Variants in GMDS observed in about 807,000 individuals in gnomAD.
GMDS encodes the protein GDP-mannose 4,6 dehydratase.
In GMDS, 20 loss-of-function variants were observed where a neutral mutation model predicts 49.9. That is an observed-to-expected ratio of 0.40 (90% confidence interval 0.28 to 0.58). The LOEUF is 0.58. GMDS is among the 20% of genes least tolerant of loss of function. The pLI is 0.42. For synonymous variants in GMDS, 177 were observed against 178.6 expected, an observed-to-expected ratio of 0.99 and a Z score of 0.07; for missense variants, 362 against 481.4, an observed-to-expected ratio of 0.75 and a Z score of 2.32.
intron 4 of GMDS, among the ~76,000 whole-genome samples, chr6:2,022,477 GA>G (rs1768338695): frequency 6.6e-6 from 1 of 152,030 alleles, no homozygotes. Flanking sequence ...AAAATAACAC[GA>G]ATTCAATGAT....
intron 7 of GMDS, among the ~76,000 whole-genome samples, chr6:1,794,256 G>A (rs1269992368): frequency 6.6e-6 from 1 of 151,930 alleles, no homozygotes; most frequent in African/African-American, 2.4e-5. Context: ...ATTTACGTAT[G>A]TCTACTCTAA....
At chr6:2,154,734 G>A (rs1037384902) in intron 1 of GMDS, among the ~76,000 whole-genome samples, 8 of 151,388 alleles carry the variant, frequency 5.3e-5, no homozygotes, top group African/African-American at 1.7e-4. Flanking sequence ...TTATATGACC[G>A]ATCAGAGAAA....
chr6:2,122,000 T>G (rs1775162789), intron 2 of GMDS, among the ~76,000 whole-genome samples: 2 of 152,236 alleles, frequency 1.3e-5, no homozygotes, highest in African/African-American at 4.8e-5. Flanking sequence ...CAAGCTCTTC[T>G]TCACAGTGTT....
At chr6:1,750,129 A>G (rs778446467) in intron 7 of GMDS, among the ~76,000 whole-genome samples, 1 of 152,186 alleles carries the variant, frequency 6.6e-6, no homozygotes, top group African/African-American at 2.4e-5. Flanking sequence ...CCAGCCTCAA[A>G]TTATTAATAC....
chr6:1,662,339 C>G (rs577919754), intron 9 of GMDS, among the ~76,000 whole-genome samples: 2 of 152,082 alleles, frequency 1.3e-5, no homozygotes, highest in Non-Finnish European at 2.9e-5. Context: ...GGACTCTGGA[C>G]GTTGGAAACA....
intron 7 of GMDS, among the ~76,000 whole-genome samples, chr6:1,875,096 A>G (rs912590341): frequency 6.6e-6 from 1 of 152,146 alleles, no homozygotes; most frequent in Non-Finnish European, 1.5e-5. Flanking sequence ...ACTGCCCCCT[A>G]TTTGGGTTAC....
intron 9 of GMDS, among the ~76,000 whole-genome samples, chr6:1,689,129 T>G (rs6913557): frequency 0.35 from 53,739 of 152,094 alleles, 9,785 homozygotes; most frequent in East Asian, 0.5. Flanking sequence ...AAGCTGAGGT[T>G]GTGGTTGTGT....
At chr6:2,073,125 T>A (rs1772111792) in intron 4 of GMDS, among the ~76,000 whole-genome samples, 1 of 152,224 alleles carries the variant, frequency 6.6e-6, no homozygotes, top group Admixed American at 6.5e-5. Context: ...CAGACCATGT[T>A]AATTTCTGCC....
intron 7 of GMDS, among the ~76,000 whole-genome samples, chr6:1,763,461 C>T (rs1302372648): frequency 3.3e-5 from 5 of 152,190 alleles, no homozygotes; most frequent in Admixed American, 6.5e-5. Context: ...ATAAATCCCC[C>T]ACTTCCAGGG....
At chr6:1,950,783 C>T (rs1038747304) in intron 6 of GMDS, among the ~76,000 whole-genome samples, 14 of 152,174 alleles carry the variant, frequency 9.2e-5, no homozygotes, top group African/African-American at 3.4e-4. Context: ...TCTGCAAGCA[C>T]ATTTGGAAGG....
intron 4 of GMDS, among the ~76,000 whole-genome samples, chr6:2,011,368 T>C (rs926793130): frequency 3.9e-5 from 6 of 152,114 alleles, no homozygotes; most frequent in African/African-American, 1.4e-4. Context: ...TTAATACAAC[T>C]TATATGAAAA....
intron 4 of GMDS, among the ~76,000 whole-genome samples, chr6:1,968,102 C>G (rs1764370075): frequency 6.6e-6 from 1 of 152,210 alleles, no homozygotes; most frequent in Non-Finnish European, 1.5e-5. Context: ...AGCCCTTTTA[C>G]CCCTCCAAAC....
At chr6:2,173,138 TA>T (rs1207239865) in intron 1 of GMDS, among the ~76,000 whole-genome samples, 5 of 152,216 alleles carry the variant, frequency 3.3e-5, no homozygotes, top group Non-Finnish European at 7.3e-5. Context: ...TAGGTTATTT[TA>T]AAAACAACAT....
At chr6:1,897,701 C>T (rs1036288768) in intron 7 of GMDS, among the ~76,000 whole-genome samples, 5 of 152,184 alleles carry the variant, frequency 3.3e-5, no homozygotes, top group East Asian at 3.8e-4. Context: ...TTGAAATACA[C>T]GATAAATTAT....
intron 9 of GMDS, among the ~76,000 whole-genome samples, chr6:1,682,453 G>T (rs1490568545): frequency 6.6e-6 from 1 of 152,222 alleles, no homozygotes; most frequent in Non-Finnish European, 1.5e-5. Context: ...CTCTGGCCAT[G>T]CTGGTGCCAT....
At chr6:1,914,789 G>T (rs774760940) in intron 7 of GMDS, among the ~76,000 whole-genome samples, 1 of 152,214 alleles carries the variant, frequency 6.6e-6, no homozygotes, top group Non-Finnish European at 1.5e-5. Context: ...CTTGACTGGT[G>T]TCTGCAAAGC....
chr6:2,141,836 G>A (rs2127528861), intron 1 of GMDS, among the ~76,000 whole-genome samples: 1 of 150,500 alleles, frequency 6.6e-6, no homozygotes, highest in South Asian at 2.1e-4. Context: ...GACACACTGG[G>A]AAGTCTGGGT....
At chr6:2,185,095 AG>A (rs1778720955) in intron 1 of GMDS, among the ~76,000 whole-genome samples, 2 of 152,376 alleles carry the variant, frequency 1.3e-5, no homozygotes, top group East Asian at 3.9e-4. Flanking sequence ...AGGCAAAGCC[AG>A]CTTTAAACTT....
chr6:2,023,707 C>T (rs541440403), intron 4 of GMDS, among the ~76,000 whole-genome samples: 88 of 152,226 alleles, frequency 5.8e-4, no homozygotes, highest in African/African-American at 2.1e-3. Context: ...AAAATGGTCA[C>T]AAAAATTATC....
Sources: gnomAD v4.1 joint callset for allele counts (sites outside exome capture counted in the v4.1 genomes callset) on GRCh38, gnomAD v4.1.1 for gene constraint, MANE v1.5 for transcripts, NCBI Gene and HGNC (gene_info 2026-07-23, HGNC 2026-07-21) for gene names.